The following EPHB1 variants were observed in gnomAD, a reference collection of about 807,000 sequenced individuals.
The protein encoded by EPHB1 is EPH receptor B1.
Under a neutral mutation model 94.4 loss-of-function variants are expected in EPHB1, and 30 were observed. The observed-to-expected ratio is 0.32, with a 90% CI of 0.24 to 0.43. EPHB1 has a LOEUF of 0.43. Ranked by LOEUF, EPHB1 falls within the 20% of genes least tolerant of loss-of-function variation. EPHB1 has a pLI of 1.00. For missense variants in EPHB1, 1,055 were observed against 1,308.3 expected, an observed-to-expected ratio of 0.81 and a Z score of 2.99; for synonymous variants, 522 against 489.1, an observed-to-expected ratio of 1.07 and a Z score of -0.89.
intron 1 of EPHB1, among the ~76,000 whole-genome samples, chr3:134,887,447 G>A (rs1310082205): frequency 6.6e-6 from 1 of 152,122 alleles, no homozygotes; most frequent in Non-Finnish European, 1.5e-5. Flanking sequence ...GGAAGAATTG[G>A]GAAAGTCACA....
At chr3:135,002,815 C>A (rs1323808445) in intron 3 of EPHB1, among the ~76,000 whole-genome samples, 1 of 151,890 alleles carries the variant, frequency 6.6e-6, no homozygotes, top group African/African-American at 2.4e-5. Context: ...TCCCCTTTAT[C>A]ATTTTTTATT....
chr3:134,942,417 G>C (rs2039137483), intron 2 of EPHB1, among the ~76,000 whole-genome samples: 1 of 152,222 alleles, frequency 6.6e-6, no homozygotes, highest in Admixed American at 6.5e-5. Flanking sequence ...GGAGATAGGA[G>C]ACATAGAATT....
intron 1 of EPHB1, among the ~76,000 whole-genome samples, chr3:134,872,163 C>A (rs549396767): frequency 6.6e-6 from 1 of 152,190 alleles, no homozygotes; most frequent in Non-Finnish European, 1.5e-5. Context: ...TAAGGGACAA[C>A]CTCTCACAAC....
chr3:134,930,203 A>G (rs1427869479), intron 2 of EPHB1, among the ~76,000 whole-genome samples: 1 of 152,170 alleles, frequency 6.6e-6, no homozygotes, highest in Non-Finnish European at 1.5e-5. Flanking sequence ...GTACTTGAGA[A>G]CTACCAGATA....
intron 12 of EPHB1, among the ~76,000 whole-genome samples, chr3:135,232,723 G>A (rs1054858125): frequency 6.6e-6 from 1 of 152,164 alleles, no homozygotes; most frequent in African/African-American, 2.4e-5. Flanking sequence ...ACATACTCAA[G>A]GCTGGGTAAT....
At chr3:135,138,029 C>T (rs1940683539) in intron 5 of EPHB1, among the ~76,000 whole-genome samples, 1 of 152,202 alleles carries the variant, frequency 6.6e-6, no homozygotes, top group African/African-American at 2.4e-5. Context: ...GATTCTGATG[C>T]TCAGAGGAGC....
At chr3:134,948,208 C>T (rs1271066176) in intron 2 of EPHB1, among the ~76,000 whole-genome samples, 2 of 152,056 alleles carry the variant, frequency 1.3e-5, no homozygotes, top group African/African-American at 2.4e-5. Flanking sequence ...TGACCAGACC[C>T]CCACTCTAAA....
intron 1 of EPHB1, among the ~76,000 whole-genome samples, chr3:134,912,931 G>A (rs889810453): frequency 6.6e-6 from 1 of 152,196 alleles, no homozygotes; most frequent in South Asian, 2.1e-4. Flanking sequence ...GGATTTGGGG[G>A]AATCTGATAT....
In EPHB1 at chr3:134,811,242, G is replaced by GTTTTTTTTTTTTTTTTTT. The variant is rs397966930; in HGVS notation, c.58+15557_58+15574dup. ...TCTCATAGTTGCCCCTACTAAGAAGGTTTTTTTTTTTTTTTTTTTTTCTGT... is the reference window on the plus strand; with the variant it reads ...TCTCATAGTTGCCCCTACTAAGAAGGTTTTTTTTTTTTTTTTTTTTTTTTTTTTTTTTTTTTTTTCTGT... On this transcript the variant is annotated intron_variant, in intron 1 of 15. Transcript: ENST00000398015. Among the ~76,000 whole-genome samples, 238 of 73,856 alleles carry GTTTTTTTTTTTTTTTTTT rather than the reference G, an allele frequency of 3.2e-3. 57 individuals carry two copies. Among genetic ancestry groups the GTTTTTTTTTTTTTTTTTT allele is most frequent in the Middle Eastern group, 0.024 (2 of 82 alleles). The allele number at this position is 73,856 out of a possible 152,430, so 48.5% of individuals were successfully genotyped here.
At chr3:135,099,121 ATC>A (rs1229797236) in intron 3 of EPHB1, among the ~76,000 whole-genome samples, 3 of 150,812 alleles carry the variant, frequency 2.0e-5, no homozygotes, top group African/African-American at 7.3e-5. Flanking sequence ...TATTATTATT[ATC>A]ATCACAGCTT....
At chr3:135,043,294 A>AATAATG (rs1179683820) in intron 3 of EPHB1, among the ~76,000 whole-genome samples, 1 of 151,548 alleles carries the variant, frequency 6.6e-6, no homozygotes, top group Non-Finnish European at 1.5e-5. Context: ...TAATAATAAT[A>AATAATG]ATGTGTGATA....
chr3:134,878,521 G>A (rs1192621852), intron 1 of EPHB1, among the ~76,000 whole-genome samples: 2 of 152,226 alleles, frequency 1.3e-5, no homozygotes, highest in African/African-American at 4.8e-5. Context: ...AGTCCTCAGT[G>A]CTGAGGACTG....
chr3:134,858,859 A>G (rs768057788), intron 1 of EPHB1, among the ~76,000 whole-genome samples: 41 of 152,188 alleles, frequency 2.7e-4, no homozygotes, highest in Non-Finnish European at 4.9e-4. Flanking sequence ...GCCTCAGTAG[A>G]GTCCCGCAGG....
At chr3:135,011,656 A>G (rs1935623882) in intron 3 of EPHB1, among the ~76,000 whole-genome samples, 1 of 152,010 alleles carries the variant, frequency 6.6e-6, no homozygotes, top group African/African-American at 2.4e-5. Context: ...CAGAAAGAAC[A>G]CCCTCTGAGC....
At chr3:134,843,121 G>A (rs1385527351) in intron 1 of EPHB1, among the ~76,000 whole-genome samples, 1 of 152,084 alleles carries the variant, frequency 6.6e-6, no homozygotes, top group Admixed American at 6.6e-5. Context: ...GTCTAGGAAT[G>A]TTTTTATTTT....
intron 4 of EPHB1, among the ~76,000 whole-genome samples, chr3:135,112,503 A>G (rs1407737006): frequency 6.6e-6 from 1 of 151,022 alleles, no homozygotes; most frequent in Non-Finnish European, 1.5e-5. Flanking sequence ...CTTGTCATTT[A>G]GCATTAGGTA....
intron 15 of EPHB1, 105 bp downstream of exon 15, chr3:135,249,596 T>A: frequency 7.4e-7 from 1 of 1,356,194 alleles, no homozygotes; most frequent in Admixed American, 2.0e-5. Flanking sequence ...TCCCTGGAGC[T>A]CCGTCTCTGT....
chr3:135,040,391 T>A (rs1227404317), intron 3 of EPHB1, among the ~76,000 whole-genome samples: 10 of 152,224 alleles, frequency 6.6e-5, no homozygotes, highest in Non-Finnish European at 1.5e-5. Context: ...GCTCCCCACA[T>A]GCAGTGTGAC....
At chr3:135,034,936 A>C (rs1936599762) in intron 3 of EPHB1, among the ~76,000 whole-genome samples, 1 of 152,252 alleles carries the variant, frequency 6.6e-6, no homozygotes, top group Non-Finnish European at 1.5e-5. Flanking sequence ...GGAGGCTGTC[A>C]TCTGGAGCTG....
Sources: allele counts gnomAD v4.1 joint callset (sites outside exome capture counted in the v4.1 genomes callset), GRCh38; gene constraint gnomAD v4.1.1; transcripts MANE v1.5; gene names NCBI Gene and HGNC (gene_info 2026-07-23, HGNC 2026-07-21).